AIMP1: variants seen among roughly 807,000 people sequenced by gnomAD.
The protein encoded by AIMP1 is aminoacyl tRNA synthase complex-interacting multifunctional protein 1.
In AIMP1, 24 loss-of-function variants were observed where a neutral mutation model predicts 33.1. The ratio of observed to expected loss-of-function variants is 0.73; its 90% CI spans 0.53 to 1.02. The LOEUF is 1.02. AIMP1 is among the 50% of genes least tolerant of loss of function. The probability of loss-of-function intolerance (pLI) is 0.00; values close to 1 mark genes in which losing one functional copy is unlikely to be tolerated. For missense variants in AIMP1, 367 were observed against 364.8 expected (o/e 1.01, Z -0.05); for synonymous variants, 120 against 121.5 (o/e 0.99, Z 0.08).
At chr4:106,319,514 AGAAT>A (rs1286715277) in intron 1 of AIMP1, among the ~76,000 whole-genome samples, 8 of 152,328 alleles carry the variant, frequency 5.3e-5, no homozygotes, top group Non-Finnish European at 4.4e-5. Flanking sequence ...GTGAAGGGAC[AGAAT>A]GATTTAGATA....
intron 6 of AIMP1, among the ~76,000 whole-genome samples, chr4:106,345,499 T>C: frequency 6.6e-6 from 1 of 152,314 alleles, no homozygotes; most frequent in Non-Finnish European, 1.5e-5. Context: ...AATTGAACTT[T>C]ATTTATGGTT....
At position 106,335,737 on chromosome 4, in the gene AIMP1, T is replaced by A. The variant is rs566396827; in HGVS notation, c.604-1132T>A. On this transcript the variant is annotated intron_variant, in intron 5 of 6. Coordinates refer to ENST00000672341, the MANE Select transcript of AIMP1 (RefSeq NM_001142416.2). ...AATTTGACTCTTAGGCTCATTTTTT[T>A]AAATCATAGTATTTCAGAGTAAATT... 9.9e-5 allele frequency among the ~76,000 whole-genome samples: 15 copies of A among 152,206 alleles called. No individual in the cohort carries two copies. In the East Asian group the frequency reaches 2.5e-3, roughly 25 times the overall value.
At position 106,328,233 on chromosome 4, in the gene AIMP1, T is replaced by C; in HGVS notation, c.381T>C (p.Ile127=). The change falls in exon 4 of 7, where the codon ATT becomes ATC. Residue 127 remains isoleucine (I), a synonymous_variant. Coordinates refer to ENST00000672341, the MANE Select transcript of AIMP1 (RefSeq NM_001142416.2). Reference sequence around the variant, plus strand: ...ACGAAAAGAAAGCGAAAGAGAAAATTGAAAAGAAAGGTATTTTTGACCTTT... The same window carrying C: ...ACGAAAAGAAAGCGAAAGAGAAAATCGAAAAGAAAGGTATTTTTGACCTTT... The part of the protein sequence containing the change: ...TGDEKKAKEK[I]EKKGEKKEKK... 3 of 1,608,244 alleles carry C rather than the reference T, an allele frequency of 1.9e-6. No homozygotes were observed. Among genetic ancestry groups the C allele is most frequent in the Non-Finnish European group, 2.5e-6 (3 of 1,176,566 alleles).
At chr4:106,331,012 TTAAA>T (rs1314197598) in intron 4 of AIMP1, among the ~76,000 whole-genome samples, 1 of 152,202 alleles carries the variant, frequency 6.6e-6, no homozygotes, top group Non-Finnish European at 1.5e-5. Context: ...TCTTATCTGC[TTAAA>T]TAGTTACTGT....
intron 6 of AIMP1, among the ~76,000 whole-genome samples, chr4:106,345,608 T>C (rs1168211092): frequency 2.6e-5 from 4 of 152,026 alleles, no homozygotes; most frequent in African/African-American, 9.7e-5. Context: ...TCACTTTCAG[T>C]CTTAGTTTCA....
At chr4:106,331,993 A>G in intron 5 of AIMP1, 110 bp downstream of exon 5, 2 of 1,062,196 alleles carry the variant, frequency 1.9e-6, no homozygotes, top group Non-Finnish European at 2.9e-6. Flanking sequence ...TGCCCTTGTT[A>G]ATTAGTTCAG....
intron 6 of AIMP1, among the ~76,000 whole-genome samples, chr4:106,344,131 T>C (rs1164738508): frequency 6.6e-6 from 1 of 152,190 alleles, no homozygotes; most frequent in African/African-American, 2.4e-5. Context: ...CCTTCTTCAC[T>C]GGCTGCCCCT....
chr4:106,345,756 C>G (rs978062255), intron 6 of AIMP1, among the ~76,000 whole-genome samples: 1 of 151,052 alleles, frequency 6.6e-6, no homozygotes, highest in Non-Finnish European at 1.5e-5. Flanking sequence ...ACTACAATGA[C>G]CAACTAATTT....
intron 1 of AIMP1, among the ~76,000 whole-genome samples, chr4:106,323,131 A>G (rs1380322517): frequency 2.0e-5 from 3 of 152,150 alleles, no homozygotes; most frequent in Non-Finnish European, 2.9e-5. Context: ...TTGTTCTTCA[A>G]TATGTATTAT....
At chr4:106,316,264 G>A (rs1345784849), upstream of AIMP1, 2 of 342,168 alleles carry the variant, frequency 5.8e-6, no homozygotes, top group East Asian at 1.0e-4. Context: ...GCGACCCAAC[G>A]CTGAGGAAAG....
intron 6 of AIMP1, among the ~76,000 whole-genome samples, chr4:106,340,967 G>C (rs992979462): frequency 2.0e-5 from 3 of 152,004 alleles, no homozygotes; most frequent in Admixed American, 6.6e-5. Context: ...ACTGTGACTG[G>C]TATGAGATGG....
At chr4:106,341,908 T>C (rs1770112927) in intron 6 of AIMP1, among the ~76,000 whole-genome samples, 1 of 152,194 alleles carries the variant, frequency 6.6e-6, no homozygotes, top group South Asian at 2.1e-4. Flanking sequence ...ACAATACTGA[T>C]TTTTCCAATC....
chr4:106,347,356 A>G (rs947628848), intron 6 of AIMP1, among the ~76,000 whole-genome samples, 170 bp from the exon 7 acceptor site: 49 of 152,328 alleles, frequency 3.2e-4, no homozygotes, highest in African/African-American at 1.2e-3. Flanking sequence ...ACCAATCAAG[A>G]ATATAAACTG....
At chr4:106,327,647 C>G in intron 3 of AIMP1, 83 bp downstream of exon 3, 1 of 1,014,630 alleles carries the variant, frequency 9.9e-7, no homozygotes, top group African/African-American at 1.6e-5. Context: ...AAGTAAGAAT[C>G]TGTATCTAGG....
chr4:106,322,890 A>G lies in AIMP1; in HGVS notation c.-25-2095A>G, dbSNP rs143244273. Among the ~76,000 whole-genome samples the G allele has an allele frequency of 2.3e-3, 350 of 152,086 alleles. 1 individual carries two copies. The highest frequency in any genetic ancestry group is 8.1e-3 in the African/African-American group (336 of 41,482). ...TCCCGGCTATTTGGGAGGCTAAGGC[A>G]GGAGAATCGCTTGAACCCAGGAGAC... On this transcript the variant is annotated intron_variant, in intron 1 of 6. Transcript: ENST00000672341.
intron 2 of AIMP1, 122 bp downstream of exon 2, chr4:106,325,240 G>A: frequency 5.4e-6 from 5 of 927,520 alleles, no homozygotes; most frequent in Non-Finnish European, 8.0e-6. Context: ...GTTATATGTA[G>A]AAAAATATCA....
At chr4:106,346,658 T>C (rs1043199670) in intron 6 of AIMP1, among the ~76,000 whole-genome samples, 3 of 152,158 alleles carry the variant, frequency 2.0e-5, no homozygotes, top group Non-Finnish European at 4.4e-5. Flanking sequence ...CATTCTCCAG[T>C]ATTGATAAGA....
At chr4:106,343,069 CT>C in intron 6 of AIMP1, among the ~76,000 whole-genome samples, 2 of 152,028 alleles carry the variant, frequency 1.3e-5, no homozygotes, top group South Asian at 4.1e-4. Context: ...CACACCAGGA[CT>C]TTTTTTAATT....
intron 1 of AIMP1, 103 bp downstream of exon 1, chr4:106,316,697 C>A: frequency 8.6e-7 from 1 of 1,157,340 alleles, no homozygotes; most frequent in Non-Finnish European, 1.2e-6. Context: ...CTGGCCTGCG[C>A]TGCTAATGGG....
Sources: gnomAD v4.1 joint callset for allele counts (sites outside exome capture counted in the v4.1 genomes callset) on GRCh38, gnomAD v4.1.1 for gene constraint, MANE v1.5 for transcripts, NCBI Gene and HGNC (gene_info 2026-07-23, HGNC 2026-07-21) for gene names.